RORA: variants seen among roughly 807,000 people sequenced by gnomAD.
The protein encoded by RORA is nuclear receptor ROR-alpha.
Under a neutral mutation model 69.5 loss-of-function variants are expected in RORA, and 7 were observed. The observed-to-expected ratio is 0.10, with a 90% CI of 0.06 to 0.19. The LOEUF is 0.19. RORA is among the 10% of genes least tolerant of loss of function. The probability of loss-of-function intolerance (pLI) is 1.00; values close to 1 mark genes in which losing one functional copy is unlikely to be tolerated. For missense variants in RORA, 457 were observed against 663.0 expected, an observed-to-expected ratio of 0.69 and a Z score of 3.41; for synonymous variants, 261 against 240.8, an observed-to-expected ratio of 1.08 and a Z score of -0.78.
intron 2 of RORA, among the ~76,000 whole-genome samples, chr15:60,647,251 T>G (rs1452293129): frequency 6.6e-6 from 1 of 152,216 alleles, no homozygotes; most frequent in African/African-American, 2.4e-5. Context: ...TTTTCCTTAG[T>G]GCTTATACCC....
rs1275264259 is a variant in RORA at position 61,158,060 on chromosome 15, G to A, written c.166+70993C>T. 1.3e-5 allele frequency among the ~76,000 whole-genome samples: 2 copies of A among 152,158 alleles called. 1 individual carries two copies. The highest frequency in any genetic ancestry group is 2.9e-5 in the Non-Finnish European group (2 of 68,016). ...ACCCCAGCTGCACACTGACTTGTCGGAAAACTTACCAAATTCCCTTTCAGA... is the reference window on the plus strand; with the variant it reads ...ACCCCAGCTGCACACTGACTTGTCGAAAAACTTACCAAATTCCCTTTCAGA... On this transcript the variant is annotated intron_variant, in intron 1 of 10. Coordinates refer to ENST00000335670, the MANE Select transcript of RORA (RefSeq NM_134261.3).
chr15:60,782,763 A>G (rs1185879859), intron 1 of RORA, among the ~76,000 whole-genome samples: 1 of 152,226 alleles, frequency 6.6e-6, no homozygotes, highest in African/African-American at 2.4e-5. Context: ...CCCTGCTAGT[A>G]ATAAAAAATG....
intron 1 of RORA, among the ~76,000 whole-genome samples, chr15:61,099,271 A>C (rs75264348): frequency 8.7e-4 from 132 of 152,308 alleles, no homozygotes; most frequent in African/African-American, 3.0e-3. Flanking sequence ...CACACTCCAC[A>C]ATATGGAATT....
intron 1 of RORA, among the ~76,000 whole-genome samples, chr15:60,711,263 C>T (rs1195333629): frequency 1.3e-5 from 2 of 152,210 alleles, no homozygotes; most frequent in African/African-American, 4.8e-5. Context: ...CTCTGCACTC[C>T]TACTTCTAAA....
At chr15:61,114,177 T>A (rs949312438) in intron 1 of RORA, among the ~76,000 whole-genome samples, 19 of 152,126 alleles carry the variant, frequency 1.2e-4, no homozygotes, top group Admixed American at 7.2e-4. Context: ...ACTTTTTTTT[T>A]AAACACCAGG....
At position 60,890,157 on chromosome 15, in the gene RORA, C is replaced by A. The variant is rs553121277; in HGVS notation, c.167-211471G>T. ...TACGCATCCCTGCATTATATCAGTA[C>A]TTGTTTAAAGTCACCTGATGTTAGA... On this transcript the variant is annotated intron_variant, in intron 1 of 10. Transcript: ENST00000335670. 6.6e-5 allele frequency among the ~76,000 whole-genome samples: 10 copies of A among 152,298 alleles called. No homozygotes were observed. The South Asian group carries it at 2.1e-3, about 32-fold the overall frequency.
At chr15:60,671,756 C>T (rs1421508592) in intron 2 of RORA, among the ~76,000 whole-genome samples, 2 of 151,626 alleles carry the variant, frequency 1.3e-5, no homozygotes, top group Non-Finnish European at 2.9e-5. Context: ...AGATTACAGG[C>T]GTGTGCCACC....
chr15:60,730,865 T>G (rs2071421201), intron 1 of RORA, among the ~76,000 whole-genome samples: 1 of 152,200 alleles, frequency 6.6e-6, no homozygotes, highest in Non-Finnish European at 1.5e-5. Flanking sequence ...AATTTTTTTT[T>G]TTTTTGACAG....
At chr15:60,691,634 T>C (rs1035179552) in intron 1 of RORA, among the ~76,000 whole-genome samples, 1 of 152,124 alleles carries the variant, frequency 6.6e-6, no homozygotes, top group Admixed American at 6.5e-5. Flanking sequence ...GAAGAGAAAC[T>C]GGAAGGCTAC....
intron 1 of RORA, among the ~76,000 whole-genome samples, chr15:60,990,790 C>T (rs1303573417): frequency 2.0e-5 from 3 of 152,084 alleles, no homozygotes; most frequent in Non-Finnish European, 2.9e-5. Context: ...TTATTTAATA[C>T]ACATTTACTC....
At chr15:60,971,035 G>A (rs2140351554) in intron 1 of RORA, among the ~76,000 whole-genome samples, 1 of 152,260 alleles carries the variant, frequency 6.6e-6, no homozygotes, top group African/African-American at 2.4e-5. Flanking sequence ...CATAAACAGA[G>A]AAGTACTTTC....
In RORA at chr15:60,626,050, C is replaced by T. The variant is rs3784608; in HGVS notation, c.196+52607G>A. On this transcript the variant is annotated intron_variant, in intron 2 of 10. Coordinates refer to ENST00000335670, the MANE Select transcript of RORA (RefSeq NM_134261.3). ...CTCAGCAGGGACAGGCTTCTCAGCA[C>T]GCTGCTGCCTCAGGGAGCCCAAAGG... Among the ~76,000 whole-genome samples, 28 of 152,350 alleles carry T rather than the reference C, an allele frequency of 1.8e-4. No individual in the cohort carries two copies. The East Asian group carries it at 3.5e-3, about 19-fold the overall frequency.
At chr15:60,918,218 C>A (rs537526015) in intron 1 of RORA, among the ~76,000 whole-genome samples, 1 of 152,298 alleles carries the variant, frequency 6.6e-6, no homozygotes, top group South Asian at 2.1e-4. Context: ...CTTAACAGAG[C>A]CTCACTTTCC....
chr15:60,919,105 T>C (rs967329174), intron 1 of RORA, among the ~76,000 whole-genome samples: 2 of 152,174 alleles, frequency 1.3e-5, no homozygotes, highest in South Asian at 4.1e-4. Flanking sequence ...AATACAAAAC[T>C]GGTCTCCAGA....
At chr15:61,132,565 T>C (rs1413566627) in intron 1 of RORA, among the ~76,000 whole-genome samples, 1 of 152,204 alleles carries the variant, frequency 6.6e-6, no homozygotes, top group Non-Finnish European at 1.5e-5. Flanking sequence ...AATGAAAATG[T>C]AGATTTCAAT....
intron 1 of RORA, among the ~76,000 whole-genome samples, chr15:61,103,514 C>A (rs2078909830): frequency 1.3e-5 from 2 of 152,310 alleles, no homozygotes; most frequent in African/African-American, 4.8e-5. Flanking sequence ...ATGGAGCTGA[C>A]TTTGCAGCCC....
At chr15:60,961,544 G>A (rs1245605659) in intron 1 of RORA, among the ~76,000 whole-genome samples, 1 of 152,220 alleles carries the variant, frequency 6.6e-6, no homozygotes, top group Non-Finnish European at 1.5e-5. Flanking sequence ...TTGCCATAAA[G>A]CGTCTCAGCT....
chr15:61,111,533 ATCTT>A (rs1171264396), intron 1 of RORA, among the ~76,000 whole-genome samples: 1 of 152,208 alleles, frequency 6.6e-6, no homozygotes, highest in Non-Finnish European at 1.5e-5. Context: ...AGTATATAAT[ATCTT>A]TCTTCTGCTC....
intron 1 of RORA, among the ~76,000 whole-genome samples, chr15:60,682,982 G>A (rs971098549): frequency 2.0e-5 from 3 of 152,162 alleles, no homozygotes; most frequent in African/African-American, 7.2e-5. Flanking sequence ...CTGGGTCTTA[G>A]TTTTCTTATA....
Sources: gnomAD v4.1 joint callset for allele counts (sites outside exome capture counted in the v4.1 genomes callset) on GRCh38, gnomAD v4.1.1 for gene constraint, MANE v1.5 for transcripts, NCBI Gene and HGNC (gene_info 2026-07-23, HGNC 2026-07-21) for gene names.